Variants in GRID1 observed in about 807,000 individuals in gnomAD.
GRID1 encodes the protein glutamate ionotropic receptor delta type subunit 1.
Under a neutral mutation model 98.0 loss-of-function variants are expected in GRID1, and 28 were observed. The ratio of observed to expected loss-of-function variants is 0.29; its 90% confidence interval spans 0.21 to 0.39. GRID1 has a LOEUF of 0.39. GRID1 is among the 10% of genes least tolerant of loss of function. The pLI is 1.00. For missense variants in GRID1, 1,111 were observed against 1,340.5 expected (o/e 0.83, Z 2.67); for synonymous variants, 553 against 538.5 (o/e 1.03, Z -0.37).
At chr10:86,072,555 T>A (rs1035429270) in intron 4 of GRID1, among the ~76,000 whole-genome samples, 5 of 152,122 alleles carry the variant, frequency 3.3e-5, no homozygotes, top group African/African-American at 2.4e-5. Flanking sequence ...GTAGCAGAGG[T>A]AATTAAAGAT....
chr10:85,878,494 T>G (rs556290032), intron 5 of GRID1, among the ~76,000 whole-genome samples: 9 of 152,180 alleles, frequency 5.9e-5, no homozygotes, highest in African/African-American at 1.9e-4. Flanking sequence ...GAATTTTCAA[T>G]CCAGAATTTC....
intron 10 of GRID1, 39 bp downstream of exon 10, chr10:85,727,816 T>C (rs751883345): frequency 1.6e-5 from 24 of 1,480,750 alleles, no homozygotes; most frequent in Non-Finnish European, 2.3e-5. Flanking sequence ...AGAGGAAGAC[T>C]AGGGTGCCCC....
rs751158483 is a variant in GRID1, at chr10:86,206,531, C to T, written c.353G>A (p.Arg118His). The T allele has an allele frequency of 3.1e-6, 5 of 1,614,030 alleles. No individual in the cohort carries two copies. The highest frequency in any genetic ancestry group is 4.2e-6 in the Non-Finnish European group (5 of 1,180,048). The part of the protein sequence containing the change: ...AMHIPHLFVQ[R>H]NPGGSPRTAC... ...GGTGCGTGGCGACCCTCCCGGGTTGCGCTGGACAAAGAGGTGTGGGATGTG... is the reference window on the plus strand; with the variant it reads ...GGTGCGTGGCGACCCTCCCGGGTTGTGCTGGACAAAGAGGTGTGGGATGTG... Residue 118 changes from arginine to histidine, a missense_variant, in exon 3 of 16, where the codon CGC (arginine) becomes CAC (histidine). Physicochemically the swap from Arg to His is conservative, Grantham distance 29. Coordinates refer to ENST00000327946, the MANE Select transcript of GRID1 (RefSeq NM_017551.3). The surrounding 1 kb of genome is among the most constrained non-coding windows in gnomAD (Gnocchi z 4.1).
intron 4 of GRID1, among the ~76,000 whole-genome samples, chr10:86,095,695 A>G (rs1287908708): frequency 6.6e-6 from 1 of 152,062 alleles, no homozygotes; most frequent in Non-Finnish European, 1.5e-5. Flanking sequence ...TCATAATAAA[A>G]AAAAATTTTT....
intron 4 of GRID1, among the ~76,000 whole-genome samples, chr10:86,083,438 C>T (rs367872538): frequency 6.6e-6 from 1 of 152,218 alleles, no homozygotes; most frequent in African/African-American, 2.4e-5. Flanking sequence ...ATGTGACACA[C>T]AGTTGGTCTC....
chr10:86,226,747 T>C (rs1846357077), intron 2 of GRID1, among the ~76,000 whole-genome samples: 1 of 146,134 alleles, frequency 6.8e-6, no homozygotes, highest in African/African-American at 2.6e-5. Flanking sequence ...CCTCACCCAC[T>C]CCCTCCAGAA....
At chr10:85,718,407 C>T (rs1841663449) in intron 12 of GRID1, among the ~76,000 whole-genome samples, 1 of 152,228 alleles carries the variant, frequency 6.6e-6, no homozygotes, top group Non-Finnish European at 1.5e-5. Flanking sequence ...CCCCACATTT[C>T]CCTTCCACAC....
At chr10:86,009,534 G>T (rs1397611066) in intron 4 of GRID1, among the ~76,000 whole-genome samples, 1 of 152,214 alleles carries the variant, frequency 6.6e-6, no homozygotes, top group Non-Finnish European at 1.5e-5. Context: ...AGGCCACGCT[G>T]TTGAAGATGG....
intron 8 of GRID1, among the ~76,000 whole-genome samples, chr10:85,736,597 T>A (rs1841886150): frequency 6.6e-6 from 1 of 152,184 alleles, no homozygotes; most frequent in Non-Finnish European, 1.5e-5. Flanking sequence ...ATGGCCATAG[T>A]GGGTCTGTCA....
In GRID1 at chr10:86,108,027, G is replaced by A. The variant is rs182537860; in HGVS notation, c.726+30792C>T. 3.6e-3 allele frequency among the ~76,000 whole-genome samples: 551 copies of A among 152,314 alleles called. 3 individuals carry two copies. The highest frequency in any genetic ancestry group is 0.013 in the African/African-American group (524 of 41,552). On this transcript the variant is annotated intron_variant, in intron 4 of 15. Coordinates refer to ENST00000327946, the MANE Select transcript of GRID1 (RefSeq NM_017551.3). Reference sequence around the variant, plus strand: ...CCCTTTGTCCGTGCGACAAGGTAGAGGGTCTAATTGAGCTGGTTAACACAA... The same window carrying A: ...CCCTTTGTCCGTGCGACAAGGTAGAAGGTCTAATTGAGCTGGTTAACACAA...
rs565790760 is a variant in GRID1, at chr10:86,327,117, C to G, written c.235+36824G>C. Among the ~76,000 whole-genome samples the G allele has an allele frequency of 1.7e-3, 254 of 152,278 alleles. 13 individuals are homozygous for G. In the South Asian group the frequency reaches 0.052, roughly 31 times the overall value. On this transcript the variant is annotated intron_variant, in intron 2 of 15. Transcript: ENST00000327946. ...CACCACTGCATTCCAGCCTGGGCGACAGAGCAACACTCCATCTCAAAAACA... is the reference window on the plus strand; with the variant it reads ...CACCACTGCATTCCAGCCTGGGCGAGAGAGCAACACTCCATCTCAAAAACA...
At chr10:85,660,886 A>T (rs1341941079) in intron 12 of GRID1, among the ~76,000 whole-genome samples, 3 of 152,042 alleles carry the variant, frequency 2.0e-5, no homozygotes, top group African/African-American at 7.2e-5. Flanking sequence ...ACGTCTTGCT[A>T]GCTCTGTGGC....
intron 2 of GRID1, among the ~76,000 whole-genome samples, chr10:86,230,273 C>T (rs1396782000): frequency 2.0e-5 from 3 of 150,936 alleles, no homozygotes; most frequent in African/African-American, 7.3e-5. Context: ...ATATCAAGAA[C>T]TACGGAGGAG....
At chr10:85,932,843 G>A (rs1427309049) in intron 4 of GRID1, among the ~76,000 whole-genome samples, 2 of 152,162 alleles carry the variant, frequency 1.3e-5, no homozygotes, top group Non-Finnish European at 2.9e-5. Context: ...TGCAGGGGCT[G>A]ACAGAAGAGG....
chr10:86,156,744 C>CATT (rs777762068), intron 3 of GRID1, among the ~76,000 whole-genome samples: 14 of 152,320 alleles, frequency 9.2e-5, no homozygotes, highest in Non-Finnish European at 2.1e-4. Flanking sequence ...TCAGAAGAGA[C>CATT]GTCTAGAACA....
chr10:85,659,151 G>A (rs1043099999), intron 12 of GRID1, among the ~76,000 whole-genome samples: 2 of 152,220 alleles, frequency 1.3e-5, no homozygotes, highest in Non-Finnish European at 2.9e-5. Flanking sequence ...GAGCTGAGAA[G>A]CAGCTATGAA....
intron 5 of GRID1, among the ~76,000 whole-genome samples, chr10:85,912,547 A>C (rs569707987): frequency 6.6e-6 from 1 of 152,268 alleles, no homozygotes; most frequent in Non-Finnish European, 1.5e-5. Flanking sequence ...AATCAAATAC[A>C]GAGGAGGAAA....
chr10:86,027,653 G>T (rs1471156346), intron 4 of GRID1, among the ~76,000 whole-genome samples: 2 of 152,188 alleles, frequency 1.3e-5, no homozygotes, highest in African/African-American at 4.8e-5. Flanking sequence ...TAGGGAGTCT[G>T]CAGCTGCTTC....
At chr10:86,312,144 G>A (rs1283487434) in intron 2 of GRID1, among the ~76,000 whole-genome samples, 1 of 152,244 alleles carries the variant, frequency 6.6e-6, no homozygotes, top group East Asian at 1.9e-4. Context: ...GAAGTTAAAT[G>A]TGGGTGAAAA....
Sources: gnomAD v4.1 joint callset for allele counts (sites outside exome capture counted in the v4.1 genomes callset) on GRCh38, gnomAD v4.1.1 for gene constraint, Gnocchi (gnomAD v3.1) non-coding constraint, MANE v1.5 for transcripts, NCBI Gene and HGNC (gene_info 2026-07-23, HGNC 2026-07-21) for gene names.